The following FSTL4 variants were observed in gnomAD, a reference collection of about 807,000 sequenced individuals.
FSTL4 encodes the protein follistatin like 4, also known as follistatin-related protein 4.
FSTL4 carries 28 observed loss-of-function variants against 78.2 expected under a neutral mutation model. That is an observed-to-expected ratio of 0.36 (90% CI 0.27 to 0.49). The LOEUF is 0.49. Among genes scored for constraint, FSTL4 ranks in the 20% least tolerant of loss-of-function variants. FSTL4 has a pLI of 0.98. For synonymous variants in FSTL4, 422 were observed against 440.5 expected (o/e 0.96, Z 0.53); for missense variants, 922 against 1,084.9 (o/e 0.85, Z 2.11).
the FSTL4 span, among the ~76,000 whole-genome samples, chr5:133,833,934 T>C: frequency 1.3e-5 from 2 of 152,196 alleles, no homozygotes; most frequent in African/African-American, 4.8e-5. Context: ...ATCTAGCTCT[T>C]TATCTAAGAG....
At chr5:133,668,753 T>G in the FSTL4 span, among the ~76,000 whole-genome samples, 1 of 152,096 alleles carries the variant, frequency 6.6e-6, no homozygotes, top group South Asian at 2.1e-4. Context: ...AGCTGGGGGT[T>G]AAGGCTGCCC....
chr5:133,562,431 C>T lies in FSTL4; in HGVS notation c.160+4755G>A, dbSNP rs115302768. On this transcript the variant is annotated intron_variant, in intron 3 of 15. Transcript: ENST00000265342. ...AGCTGCCAATTAGGGACCGATTCCA[C>T]GGGTTTTCAGAAAGTGAGGCTCTAG... Among the ~76,000 whole-genome samples, 482 of 152,276 alleles carry T rather than the reference C, an allele frequency of 3.2e-3. 6 individuals carry two copies. The highest frequency in any genetic ancestry group is 0.014 in the Middle Eastern group (4 of 294).
chr5:133,653,171 C>T, the FSTL4 span, among the ~76,000 whole-genome samples: 4 of 152,244 alleles, frequency 2.6e-5, no homozygotes, highest in Middle Eastern at 3.4e-3. Context: ...AAGGAAGGGC[C>T]TTTAACAATG....
At chr5:133,521,508 T>A (rs1758981421) in intron 3 of FSTL4, among the ~76,000 whole-genome samples, 1 of 152,108 alleles carries the variant, frequency 6.6e-6, no homozygotes, top group Non-Finnish European at 1.5e-5. Flanking sequence ...CCACCCTATC[T>A]TCAGCACCGG....
chr5:133,822,774 C>G, the FSTL4 span, among the ~76,000 whole-genome samples: 1 of 152,174 alleles, frequency 6.6e-6, no homozygotes, highest in Non-Finnish European at 1.5e-5. Flanking sequence ...CCCACGAACT[C>G]TAACGCCATG....
chr5:133,555,531 A>T (rs753577086), intron 3 of FSTL4, among the ~76,000 whole-genome samples: 12 of 152,230 alleles, frequency 7.9e-5, no homozygotes, highest in Non-Finnish European at 1.3e-4. Flanking sequence ...AAATGAGAGG[A>T]CAAATGGGAA....
chr5:133,658,372 T>G, the FSTL4 span, among the ~76,000 whole-genome samples: 1 of 152,168 alleles, frequency 6.6e-6, no homozygotes, highest in African/African-American at 2.4e-5. Context: ...TTGAATGTGT[T>G]GCTGAACATA....
chr5:133,470,807 T>TAAAATAAAATAAAATAAAATAAAAAC (rs1334334074), intron 3 of FSTL4, among the ~76,000 whole-genome samples: 10 of 139,634 alleles, frequency 7.2e-5, no homozygotes, highest in Admixed American at 5.0e-4. Flanking sequence ...AAAATAAAAA[T>TAAAATAAAATAAAATAAAATAAAAAC]AAATAAATAA....
the FSTL4 span, among the ~76,000 whole-genome samples, chr5:133,728,612 T>C: frequency 6.6e-6 from 1 of 152,238 alleles, no homozygotes. Context: ...CTCTTTTGTT[T>C]AGAGGAACTG....
chr5:133,246,178 T>A (rs1202801284), intron 7 of FSTL4, among the ~76,000 whole-genome samples: 1 of 152,160 alleles, frequency 6.6e-6, no homozygotes, highest in Non-Finnish European at 1.5e-5. Context: ...TCACCACTGA[T>A]TACAATGCCG....
intron 6 of FSTL4, among the ~76,000 whole-genome samples, chr5:133,257,409 T>A (rs1018791298): frequency 6.6e-6 from 1 of 152,152 alleles, no homozygotes; most frequent in Non-Finnish European, 1.5e-5. Flanking sequence ...TGATGTAGTA[T>A]CCTCCTTGTT....
chr5:133,370,311 G>C (rs934627494), intron 4 of FSTL4, among the ~76,000 whole-genome samples: 5 of 152,158 alleles, frequency 3.3e-5, no homozygotes, highest in Non-Finnish European at 7.3e-5. Context: ...TGGGCAGGGA[G>C]ACAGGCTGAG....
intron 3 of FSTL4, among the ~76,000 whole-genome samples, chr5:133,555,764 C>A (rs906173444): frequency 5.3e-5 from 8 of 152,062 alleles, no homozygotes; most frequent in Non-Finnish European, 2.9e-5. Flanking sequence ...AATCAACGTC[C>A]CCTCTGAGCC....
At chr5:133,724,551 C>T in the FSTL4 span, among the ~76,000 whole-genome samples, 1 of 152,058 alleles carries the variant, frequency 6.6e-6, no homozygotes, top group African/African-American at 2.4e-5. Context: ...TTGACATCAC[C>T]TTTTTACCCA....
the FSTL4 span, among the ~76,000 whole-genome samples, chr5:133,816,469 A>G: frequency 3.9e-5 from 6 of 152,286 alleles, no homozygotes; most frequent in East Asian, 3.9e-4. Flanking sequence ...AAGCCCAGGG[A>G]AAGCCATTTA....
chr5:133,307,804 G>A (rs1269118275), intron 6 of FSTL4, among the ~76,000 whole-genome samples: 3 of 134,982 alleles, frequency 2.2e-5, no homozygotes, highest in Admixed American at 8.2e-5. Context: ...TTTTTGAGAT[G>A]GAGTCTCGCT....
At chr5:133,527,573 C>T (rs1009837526) in intron 3 of FSTL4, among the ~76,000 whole-genome samples, 1 of 152,110 alleles carries the variant, frequency 6.6e-6, no homozygotes, top group Non-Finnish European at 1.5e-5. Context: ...GTTAAACAGC[C>T]AAGCATCATC....
At chr5:133,388,335 A>G (rs559928256) in intron 4 of FSTL4, 2 of 152,320 alleles carry the variant, frequency 1.3e-5, no homozygotes, top group South Asian at 2.1e-4. Flanking sequence ...CCATACATGG[A>G]TCACCATTTG....
At chr5:133,443,456 C>T (rs1757201380) in intron 3 of FSTL4, among the ~76,000 whole-genome samples, 1 of 152,244 alleles carries the variant, frequency 6.6e-6, no homozygotes, top group South Asian at 2.1e-4. Flanking sequence ...TCTGCTAGGA[C>T]ATCTGTTTCT....
Sources: gnomAD v4.1 joint callset for allele counts (sites outside exome capture counted in the v4.1 genomes callset) on GRCh38, gnomAD v4.1.1 for gene constraint, MANE v1.5 for transcripts, NCBI Gene and HGNC (gene_info 2026-07-23, HGNC 2026-07-21) for gene names.